The following NLRP13 variants were observed in gnomAD, a reference collection of about 807,000 sequenced individuals.
NLRP13 encodes the protein NLR family pyrin domain containing 13.
NLRP13 carries 82 observed loss-of-function variants against 94.4 expected under a neutral mutation model. The observed-to-expected ratio is 0.87, with a 90% CI of 0.73 to 1.04. The LOEUF (loss-of-function observed/expected upper bound fraction) is 1.04. Ranked by LOEUF, NLRP13 falls within the 50% of genes least tolerant of loss-of-function variation. The pLI, the probability that NLRP13 is intolerant of heterozygous loss-of-function variation, is 0.00. For missense variants in NLRP13, 1,426 were observed against 1,230.8 expected, an observed-to-expected ratio of 1.16 and a Z score of -2.37; for synonymous variants, 553 against 464.7, an observed-to-expected ratio of 1.19 and a Z score of -2.45.
At chr19:55,900,146 C>T (rs992452222) in intron 9 of NLRP13, among the ~76,000 whole-genome samples, 4 of 151,876 alleles carry the variant, frequency 2.6e-5, no homozygotes, top group African/African-American at 9.7e-5. Flanking sequence ...ACCCCCAAAA[C>T]ATATACAGAT....
rs1236559787 is a variant in NLRP13 at position 55,908,262 on chromosome 19, A to AC, written c.2283-307dup. Among the ~76,000 whole-genome samples, 5 of 151,658 alleles carry AC rather than the reference A, an allele frequency of 3.3e-5. No homozygotes were observed. In the East Asian group the frequency reaches 5.8e-4, roughly 18 times the overall value. On this transcript the variant is annotated intron_variant, in intron 6 of 10. Transcript: ENST00000342929. ...GGGCCACCTATTCTTCTAGGAAATGACCCCCCCATATACACATACAATCCA... is the reference window on the plus strand; with the variant it reads ...GGGCCACCTATTCTTCTAGGAAATGACCCCCCCCATATACACATACAATCCA...
At chr19:55,893,431 C>T (rs768788088), downstream of NLRP13, among the ~76,000 whole-genome samples, 15 of 152,124 alleles carry the variant, frequency 9.9e-5, no homozygotes, top group Admixed American at 1.3e-4. Flanking sequence ...AAAACCACTG[C>T]ATTAAAAGTA....
At chr19:55,930,652 C>T (rs1987089239) in intron 1 of NLRP13, among the ~76,000 whole-genome samples, 1 of 139,584 alleles carries the variant, frequency 7.2e-6, no homozygotes, top group Non-Finnish European at 1.5e-5. Context: ...CACCATTGTA[C>T]TCCAGCTTGG....
At position 55,905,035 on chromosome 19, in the gene NLRP13, C is replaced by T. The variant is rs571828268; in HGVS notation, c.2525G>A (p.Arg842Gln). Residue 842 changes from arginine (R) to glutamine (Q), a missense_variant, in exon 8 of 11, where the codon CGA (arginine) becomes CAA (glutamine). Physicochemically the swap from Arg to Gln is conservative, Grantham distance 43. Transcript: ENST00000342929. ...GAGCCGATTAAATCCCAGGCACAAT[C>T]GAGTTACGTGTTGGATGCTGGTGAG... ...LFLTSIQHVT[R>Q]LCLGFNRLQD... The T allele has an allele frequency of 5.0e-6, 8 of 1,613,692 alleles. No individual in the cohort carries two copies. The highest frequency in any genetic ancestry group is 2.7e-5 in the African/African-American group (2 of 74,766).
chr19:55,901,345 A>G (rs573130697), intron 9 of NLRP13, among the ~76,000 whole-genome samples: 37 of 152,330 alleles, frequency 2.4e-4, no homozygotes, highest in African/African-American at 6.7e-4. Context: ...CACAATCTCA[A>G]CTAGACCTGA....
intron 4 of NLRP13, among the ~76,000 whole-genome samples, chr19:55,922,999 T>C (rs545243034): frequency 4.1e-4 from 62 of 152,352 alleles, no homozygotes; most frequent in Admixed American, 2.6e-4. Context: ...AAGCTCTATG[T>C]CCCTGTGATT....
chr19:55,896,820 CAAAA>C (rs3073244), intron 10 of NLRP13, among the ~76,000 whole-genome samples: 18 of 80,916 alleles, frequency 2.2e-4, no homozygotes, highest in African/African-American at 6.0e-4. Context: ...CTCCATCTCA[CAAAA>C]AAAAAAAAAA....
chr19:55,900,839 T>C (rs1568687429), intron 9 of NLRP13, among the ~76,000 whole-genome samples: 2 of 151,718 alleles, frequency 1.3e-5, no homozygotes, highest in Non-Finnish European at 1.5e-5. Flanking sequence ...TTACTGAGTG[T>C]TGGTGAAGCT....
intron 3 of NLRP13, among the ~76,000 whole-genome samples, chr19:55,924,296 T>A (rs1298898950): frequency 6.6e-6 from 1 of 152,072 alleles, no homozygotes; most frequent in Non-Finnish European, 1.5e-5. Context: ...CTGATTTTTG[T>A]ATTTTTAGTA....
intron 5 of NLRP13, 97 bp downstream of exon 5, chr19:55,911,609 C>G: frequency 8.5e-7 from 1 of 1,173,414 alleles, no homozygotes; most frequent in Non-Finnish European, 1.2e-6. Flanking sequence ...AGCACGAATA[C>G]ATAACGACAA....
intron 9 of NLRP13, among the ~76,000 whole-genome samples, chr19:55,899,962 T>G (rs1200779152): frequency 6.6e-6 from 1 of 151,986 alleles, no homozygotes; most frequent in East Asian, 1.9e-4. Flanking sequence ...TGTTTTTTTT[T>G]TTTTTTGAGA....
At chr19:55,896,284 G>C (rs1986007983) in intron 10 of NLRP13, among the ~76,000 whole-genome samples, 165 bp from the exon 11 acceptor site, 1 of 152,048 alleles carries the variant, frequency 6.6e-6, no homozygotes, top group South Asian at 2.1e-4. Flanking sequence ...CAGCACTTTG[G>C]GAGGCCGAGG....
chr19:55,918,345 A>G (rs1014861994), intron 4 of NLRP13, among the ~76,000 whole-genome samples: 3 of 152,016 alleles, frequency 2.0e-5, no homozygotes, highest in Non-Finnish European at 4.4e-5. Context: ...AGGAAAAAGA[A>G]TAAGAACAAA....
At chr19:55,891,720 T>G (rs1985854636), downstream of NLRP13, 1 of 207,628 alleles carries the variant, frequency 4.8e-6, no homozygotes. Context: ...TATTGAATTC[T>G]CTCAACACCT....
At position 55,902,040 on chromosome 19, in the gene NLRP13, G is replaced by A. The variant is rs561018874; in HGVS notation, c.2784C>T (p.Ser928=). The part of the protein sequence containing the change: ...ALGRPDGNLQ[S]LNLSGCSFTR... ...AGGGAGCCAAGAAAACTTACTTCAGGCTCTGCAGGTTACCATCTGGGCGAC... is the reference window on the plus strand; with the variant it reads ...AGGGAGCCAAGAAAACTTACTTCAGACTCTGCAGGTTACCATCTGGGCGAC... The change falls in exon 9 of 11, where the codon AGC becomes AGT. Residue 928 remains serine, a synonymous_variant. Transcript: ENST00000342929. 1.2e-6 allele frequency: 2 copies of A among 1,613,972 alleles called. No individual in the cohort carries two copies. The highest frequency in any genetic ancestry group is 2.2e-5 in the East Asian group (1 of 44,860).
chr19:55,904,883 T>C, intron 8 of NLRP13, 59 bp downstream of exon 8: 1 of 1,385,340 alleles, frequency 7.2e-7, no homozygotes, highest in South Asian at 1.3e-5. Context: ...AAGAAACCAT[T>C]GTTCTAGATA....
At chr19:55,894,334 A>G (rs1189666614), downstream of NLRP13, among the ~76,000 whole-genome samples, 4 of 152,108 alleles carry the variant, frequency 2.6e-5, no homozygotes, top group Non-Finnish European at 5.9e-5. Flanking sequence ...GAGCAACTGC[A>G]GCCAACCTGC....
At chr19:55,897,321 C>A (rs2123100612) in intron 10 of NLRP13, among the ~76,000 whole-genome samples, 1 of 152,172 alleles carries the variant, frequency 6.6e-6, no homozygotes, top group East Asian at 1.9e-4. Context: ...GAGTTTGAGA[C>A]CAGACTGGGC....
rs1219880265 is a variant in NLRP13, at chr19:55,911,939, A to G, written c.1878T>C (p.Ala626=). The change falls in exon 5 of 11, where the codon GCT becomes GCC. Residue 626 remains alanine, a synonymous_variant. Transcript: ENST00000342929. ...LLKWGEELGK[A]ESASLQFHIL... ...TGTGAAATTGGAGAGAGGCACTTTC[A>G]GCCTTACCTAACTCTTCTCCCCACT... 3.1e-6 allele frequency: 5 copies of G among 1,614,108 alleles called. No individual in the cohort carries two copies.
Sources: gnomAD v4.1 joint callset for allele counts (sites outside exome capture counted in the v4.1 genomes callset) on GRCh38, gnomAD v4.1.1 for gene constraint, MANE v1.5 for transcripts, NCBI Gene and HGNC (gene_info 2026-07-23, HGNC 2026-07-21) for gene names.